The following RBFOX1 variants were observed in gnomAD, a reference collection of about 807,000 sequenced individuals.
RBFOX1 encodes the protein RNA binding protein fox-1 homolog 1.
A neutral mutation model predicts 57.7 loss-of-function variants in RBFOX1; 8 were observed. The ratio of observed to expected loss-of-function variants is 0.14; its 90% CI spans 0.08 to 0.25. The LOEUF (loss-of-function observed/expected upper bound fraction) is 0.25. RBFOX1 is among the 10% of genes least tolerant of loss of function. RBFOX1 has a pLI of 1.00. For missense variants in RBFOX1, 611 were observed against 548.5 expected (o/e 1.11, Z -1.14); for synonymous variants, 326 against 222.4 (o/e 1.47, Z -4.15).
rs2038900376 is a variant in RBFOX1, at chr16:7,021,107, G to A, written c.-15-30950G>A. ...CGTGCTACTGCACTCCAGCATGAGT[G>A]AGAGAGCAAGACTCTTTTTCAAAAA... On this transcript the variant is annotated intron_variant, in intron 3 of 15. Coordinates refer to ENST00000550418, the MANE Select transcript of RBFOX1 (RefSeq NM_018723.4). Among the ~76,000 whole-genome samples, 4 of 152,236 alleles carry A rather than the reference G, an allele frequency of 2.6e-5. No individual in the cohort carries two copies. The South Asian group carries it at 8.3e-4, about 32-fold the overall frequency.
chr16:7,702,363 A>C (rs1320618263), intron 14 of RBFOX1, among the ~76,000 whole-genome samples: 1 of 152,182 alleles, frequency 6.6e-6, no homozygotes, highest in Admixed American at 6.5e-5. Context: ...CAGAATCCCC[A>C]AGAAGCTGAG....
In RBFOX1 at chr16:5,947,145, G is replaced by A. The variant is rs895143420; in HGVS notation, c.351+79810G>A. 1.3e-5 allele frequency among the ~76,000 whole-genome samples: 2 copies of A among 152,158 alleles called. No homozygotes were observed. Among genetic ancestry groups the A allele is most frequent in the African/African-American group, 2.4e-5 (1 of 41,434 alleles). ...GTAGGAGGATCATGTGAACTCAGGA[G>A]GTTGAGGTTGCAGCGAGCCGTGATT... On this transcript the variant is annotated intron_variant, in intron 4 of 19. Transcript: ENST00000641259. This position sits in a 1 kb window ranked among gnomAD's most constrained non-coding sequence, Gnocchi z 7.2.
chr16:5,765,000 G>C (rs528774332), intron 3 of RBFOX1, among the ~76,000 whole-genome samples: 2 of 152,266 alleles, frequency 1.3e-5, no homozygotes, highest in South Asian at 2.1e-4. Context: ...GCTAGACCAA[G>C]TCTCGCAGGG....
intron 4 of RBFOX1, among the ~76,000 whole-genome samples, chr16:7,317,052 A>C (rs1005829334): frequency 3.9e-5 from 6 of 151,992 alleles, no homozygotes; most frequent in Non-Finnish European, 7.4e-5. Context: ...CCTTTTTACA[A>C]AGGCCAGTTT....
intron 5 of RBFOX1, among the ~76,000 whole-genome samples, chr16:7,568,138 A>C (rs11648693): frequency 0.13 from 20,230 of 152,094 alleles, 1,608 homozygotes; most frequent in South Asian, 0.24. Context: ...ATTCGAGGTG[A>C]ATCCATCAAG....
At chr16:7,587,219 C>G (rs775022018) in intron 6 of RBFOX1, 28 bp from the exon 7 acceptor site, 13 of 1,508,896 alleles carry the variant, frequency 8.6e-6, no homozygotes, top group Non-Finnish European at 1.2e-5. Flanking sequence ...TCTCTTCTTG[C>G]TTATAAGATA....
intron 4 of RBFOX1, among the ~76,000 whole-genome samples, chr16:7,257,655 C>T (rs1008047070): frequency 4.6e-5 from 7 of 152,286 alleles, no homozygotes; most frequent in Admixed American, 3.9e-4. Flanking sequence ...CCCAACCCTC[C>T]TCTGTAGCCA....
At chr16:7,442,214 G>A (rs1002849418) in intron 4 of RBFOX1, among the ~76,000 whole-genome samples, 1 of 151,996 alleles carries the variant, frequency 6.6e-6, no homozygotes, top group African/African-American at 2.4e-5. Context: ...GGTCCTAAGG[G>A]GTCTCCTGAC....
At chr16:7,458,220 G>A (rs995297483) in intron 4 of RBFOX1, among the ~76,000 whole-genome samples, 2 of 152,122 alleles carry the variant, frequency 1.3e-5, no homozygotes, top group African/African-American at 4.8e-5. Flanking sequence ...TCTCTCTGGA[G>A]CCCTAAGTGT....
chr16:6,882,761 C>T (rs1344705315), intron 3 of RBFOX1, among the ~76,000 whole-genome samples: 1 of 152,040 alleles, frequency 6.6e-6, no homozygotes, highest in South Asian at 2.1e-4. Flanking sequence ...CCTTACCAAG[C>T]CAGAAACGCA....
chr16:6,896,166 A>T (rs1293369842), intron 3 of RBFOX1, among the ~76,000 whole-genome samples: 1 of 152,018 alleles, frequency 6.6e-6, no homozygotes, highest in East Asian at 2.0e-4. Flanking sequence ...CCAGCTACTC[A>T]GGAGGCTGAG....
At chr16:7,587,028 A>T (rs1463335302) in intron 6 of RBFOX1, among the ~76,000 whole-genome samples, 1 of 152,250 alleles carries the variant, frequency 6.6e-6, no homozygotes, top group African/African-American at 2.4e-5. Context: ...CCTCTTGATT[A>T]ATATTTTGTA....
intron 2 of RBFOX1, among the ~76,000 whole-genome samples, chr16:6,644,364 T>A (rs1057211332): frequency 6.6e-6 from 1 of 152,202 alleles, no homozygotes; most frequent in African/African-American, 2.4e-5. Context: ...CAAAAATGTA[T>A]CTTGTGTTAA....
At chr16:6,217,915 C>G (rs1416294590) in intron 1 of RBFOX1, among the ~76,000 whole-genome samples, 3 of 152,154 alleles carry the variant, frequency 2.0e-5, no homozygotes, top group African/African-American at 7.2e-5. Flanking sequence ...ACTCAGGAAG[C>G]TGAGGCATGA....
chr16:7,193,828 C>G (rs35125141), intron 4 of RBFOX1, among the ~76,000 whole-genome samples: 28 of 152,252 alleles, frequency 1.8e-4, no homozygotes, highest in Admixed American at 6.5e-4. Context: ...ATTTACGTAA[C>G]TCAAAATGAT....
rs531928172 is a variant in RBFOX1 at position 7,348,519 on chromosome 16, C to T, written c.28-169628C>T. 2.0e-5 allele frequency among the ~76,000 whole-genome samples: 3 copies of T among 152,140 alleles called. No individual in the cohort carries two copies. The East Asian group carries it at 5.8e-4, about 29-fold the overall frequency. Reference sequence around the variant, plus strand: ...CTTTGCTCTTATCCCTCTCCTTCAGCCCATGGCAAGGTCGTATATGATATC... The same window carrying T: ...CTTTGCTCTTATCCCTCTCCTTCAGTCCATGGCAAGGTCGTATATGATATC... On this transcript the variant is annotated intron_variant, in intron 4 of 15. Transcript: ENST00000550418.
At chr16:5,259,391 C>T (rs2062672981) in intron 1 of RBFOX1, among the ~76,000 whole-genome samples, 1 of 152,200 alleles carries the variant, frequency 6.6e-6, no homozygotes, top group Non-Finnish European at 1.5e-5. Context: ...CTGGCTCTGG[C>T]TCTGGGAGCT....
At chr16:5,559,016 G>A (rs2151101130) in intron 2 of RBFOX1, among the ~76,000 whole-genome samples, 1 of 152,170 alleles carries the variant, frequency 6.6e-6, no homozygotes, top group East Asian at 1.9e-4. Context: ...GAAATACCCT[G>A]AAACCATAGC....
chr16:7,437,384 A>G (rs924823893), intron 4 of RBFOX1, among the ~76,000 whole-genome samples: 6 of 152,080 alleles, frequency 3.9e-5, no homozygotes, highest in Non-Finnish European at 8.8e-5. Flanking sequence ...CGCACAGTGA[A>G]TCATAGGCTC....
Sources: allele counts gnomAD v4.1 joint callset (sites outside exome capture counted in the v4.1 genomes callset), GRCh38; gene constraint gnomAD v4.1.1; non-coding constraint Gnocchi (gnomAD v3.1); transcripts MANE v1.5; gene names NCBI Gene and HGNC (gene_info 2026-07-23, HGNC 2026-07-21).